Variants in CYSTM1 observed in about 807,000 individuals in gnomAD.
CYSTM1 encodes cysteine-rich transmembrane module-containing protein 1.
In CYSTM1, 4 loss-of-function variants were observed where a neutral mutation model predicts 13.1. That is an observed-to-expected ratio of 0.31 (90% CI 0.15 to 0.70). CYSTM1 has a LOEUF of 0.70. Ranked by LOEUF, CYSTM1 falls within the 30% of genes least tolerant of loss-of-function variation. The probability of loss-of-function intolerance (pLI) is 0.72; values close to 1 mark genes in which losing one functional copy is unlikely to be tolerated. For synonymous variants in CYSTM1, 36 were observed against 42.7 expected, an observed-to-expected ratio of 0.84 and a Z score of 0.62; for missense variants, 96 against 121.6, an observed-to-expected ratio of 0.79 and a Z score of 0.99.
At chr5:140,203,616 A>G (rs1764256471) in intron 2 of CYSTM1, among the ~76,000 whole-genome samples, 1 of 152,268 alleles carries the variant, frequency 6.6e-6, no homozygotes, top group East Asian at 1.9e-4. Flanking sequence ...AATATGCCAT[A>G]GTATCATAAC....
chr5:140,225,448 CTG>C (rs1764537608), intron 2 of CYSTM1, among the ~76,000 whole-genome samples: 1 of 152,226 alleles, frequency 6.6e-6, no homozygotes. Flanking sequence ...CAGGAGGTGT[CTG>C]TGGCCCCTGG....
intron 2 of CYSTM1, among the ~76,000 whole-genome samples, chr5:140,198,468 C>T (rs1199637020): frequency 6.6e-6 from 1 of 152,212 alleles, no homozygotes; most frequent in Non-Finnish European, 1.5e-5. Context: ...CACGAGGCCT[C>T]TCTCAGCACA....
In CYSTM1 at chr5:140,230,243, C is replaced by A. The variant is rs947013371; in HGVS notation, c.188-13062C>A. 6.6e-6 allele frequency among the ~76,000 whole-genome samples: 1 copy of A among 152,130 alleles called. No homozygotes were observed. Among genetic ancestry groups the A allele is most frequent in the Non-Finnish European group, 1.5e-5 (1 of 68,022 alleles). On this transcript the variant is annotated intron_variant, in intron 2 of 2. Transcript: ENST00000261811. The surrounding 1 kb of genome is among the most constrained non-coding windows in gnomAD (Gnocchi z 4.1). ...TCTTTTTCCATCTTGGTAGTTCCAG[C>A]TGCATGTATTAATTAGATCATCCTG...
rs1190040779 is a variant in CYSTM1, at chr5:140,230,092, G to C, written c.188-13213G>C. Among the ~76,000 whole-genome samples, 1 of 152,060 alleles carries C rather than the reference G, an allele frequency of 6.6e-6. No individual in the cohort carries two copies. The highest frequency in any genetic ancestry group is 2.4e-5 in the African/African-American group (1 of 41,388). On this transcript the variant is annotated intron_variant, in intron 2 of 2. Transcript: ENST00000261811. The surrounding 1 kb of genome is among the most constrained non-coding windows in gnomAD (Gnocchi z 4.1). ...TCACCATGTTGGTCAGTATGGTCTC[G>C]AACTCCTGACCTCAGGTGATCCATC...
intron 1 of CYSTM1, among the ~76,000 whole-genome samples, chr5:140,177,078 A>AAAAAAAC (rs1554131559): frequency 7.4e-6 from 1 of 135,544 alleles, no homozygotes; most frequent in Non-Finnish European, 1.6e-5. Flanking sequence ...CAAAAAAAAA[A>AAAAAAAC]AAAAAAAAAT....
In CYSTM1 at chr5:140,219,901, C is replaced by T. The variant is rs991415881; in HGVS notation, c.188-23404C>T. Among the ~76,000 whole-genome samples, 3 of 152,188 alleles carry T rather than the reference C, an allele frequency of 2.0e-5. No homozygotes were observed. Among genetic ancestry groups the T allele is most frequent in the African/African-American group, 4.8e-5 (2 of 41,444 alleles). On this transcript the variant is annotated intron_variant, in intron 2 of 2. Transcript: ENST00000261811. This position sits in a 1 kb window ranked among gnomAD's most constrained non-coding sequence, Gnocchi z 4.1. ...AATTGGAAAAACCCAACAGCTACCT[C>T]CTTGGTGATCTCTGCCCATTTGGGC...
rs533530873 is a variant in CYSTM1, at chr5:140,175,930, G to C, written c.-21+645G>C. On this transcript the variant is annotated intron_variant, in intron 1 of 2. Transcript: ENST00000261811. The surrounding 1 kb of genome is among the most constrained non-coding windows in gnomAD (Gnocchi z 4.9). ...AGTGAAATCTGAGCGGGGTCCTGACGGGTGGGAACTAATCTCCCGGTAGCA... is the reference window on the plus strand; with the variant it reads ...AGTGAAATCTGAGCGGGGTCCTGACCGGTGGGAACTAATCTCCCGGTAGCA... Among the ~76,000 whole-genome samples the C allele has an allele frequency of 1.3e-5, 2 of 152,302 alleles. No homozygotes were observed. The highest frequency in any genetic ancestry group is 4.1e-4 in the South Asian group (2 of 4,828).
chr5:140,222,550 A>T (rs1370589591), intron 2 of CYSTM1, among the ~76,000 whole-genome samples: 1 of 152,262 alleles, frequency 6.6e-6, no homozygotes, highest in African/African-American at 2.4e-5. Flanking sequence ...AGCCAACTCA[A>T]ACTACTGCAT....
chr5:140,215,775 G>A (rs574216834), intron 2 of CYSTM1, among the ~76,000 whole-genome samples: 7 of 152,134 alleles, frequency 4.6e-5, no homozygotes, highest in Middle Eastern at 3.4e-3. Context: ...TAGTATGTTG[G>A]TGTAGGGTGG....
chr5:140,185,244 T>C (rs1282329379), intron 1 of CYSTM1, among the ~76,000 whole-genome samples: 1 of 152,248 alleles, frequency 6.6e-6, no homozygotes, highest in Non-Finnish European at 1.5e-5. Context: ...TTGCCTTCCA[T>C]GTGCACTTTG....
Position 140,230,959 on chromosome 5 carries a change from G to C in CYSTM1, c.188-12346G>C, listed in dbSNP as rs1409736722. On this transcript the variant is annotated intron_variant, in intron 2 of 2. Transcript: ENST00000261811. The surrounding 1 kb of genome is among the most constrained non-coding windows in gnomAD (Gnocchi z 4.1). ...TTCTTGGCTTTCTCGGCCTTTTACT[G>C]TTTCATCTACATTTTAGAATGTGTG... Among the ~76,000 whole-genome samples, 2 of 151,968 alleles carry C rather than the reference G, an allele frequency of 1.3e-5. No individual in the cohort carries two copies. The highest frequency in any genetic ancestry group is 4.8e-5 in the African/African-American group (2 of 41,344).
At chr5:140,204,781 G>GTGTGTGTA (rs1764278096) in intron 2 of CYSTM1, among the ~76,000 whole-genome samples, 1 of 151,978 alleles carries the variant, frequency 6.6e-6, no homozygotes. Flanking sequence ...GCGCGTGTGT[G>GTGTGTGTA]TGTGTATGTG....
At chr5:140,228,134 A>G (rs1450193521) in intron 2 of CYSTM1, among the ~76,000 whole-genome samples, 1 of 152,182 alleles carries the variant, frequency 6.6e-6, no homozygotes, top group African/African-American at 2.4e-5. Context: ...TGATGCAGCA[A>G]CAACCATACT....
At chr5:140,215,499 C>T (rs1474874880) in intron 2 of CYSTM1, among the ~76,000 whole-genome samples, 1 of 130,160 alleles carries the variant, frequency 7.7e-6, no homozygotes. Flanking sequence ...TATACCCTGG[C>T]TCTCACACAG....
intron 2 of CYSTM1, among the ~76,000 whole-genome samples, chr5:140,223,888 T>A (rs1764518714): frequency 6.6e-6 from 1 of 152,152 alleles, no homozygotes; most frequent in South Asian, 2.1e-4. Flanking sequence ...GGGTGGCTGG[T>A]GTCTATGCTC....
intron 1 of CYSTM1, among the ~76,000 whole-genome samples, chr5:140,180,815 A>G (rs1763952944): frequency 6.6e-6 from 1 of 152,204 alleles, no homozygotes; most frequent in Admixed American, 6.5e-5. Flanking sequence ...AACTCTTTTC[A>G]TTAAATGGTT....
intron 1 of CYSTM1, among the ~76,000 whole-genome samples, chr5:140,193,964 G>T (rs553256801): frequency 1.6e-4 from 25 of 152,316 alleles, no homozygotes; most frequent in African/African-American, 6.0e-4. Flanking sequence ...CTCGTTAGAA[G>T]GCCCCACTGT....
intron 2 of CYSTM1, among the ~76,000 whole-genome samples, chr5:140,242,531 A>G (rs1186129280): frequency 1.3e-5 from 2 of 152,236 alleles, no homozygotes; most frequent in African/African-American, 4.8e-5. Flanking sequence ...ACTAGCAGCC[A>G]TTTAAAATAT....
chr5:140,201,552 C>G (rs1401841805), intron 2 of CYSTM1: 1 of 152,184 alleles, frequency 6.6e-6, no homozygotes, highest in East Asian at 1.9e-4. Context: ...TATACTATAC[C>G]TCCAGTAGAA....
Sources: allele counts gnomAD v4.1 joint callset (sites outside exome capture counted in the v4.1 genomes callset), GRCh38; gene constraint gnomAD v4.1.1; non-coding constraint Gnocchi (gnomAD v3.1); transcripts MANE v1.5; gene names NCBI Gene and HGNC (gene_info 2026-07-23, HGNC 2026-07-21).